The following CCDC158 variants were observed in gnomAD, a reference collection of about 807,000 sequenced individuals.
CCDC158 encodes coiled-coil domain containing 158, also known as coiled-coil domain-containing protein 158.
A neutral mutation model predicts 138.6 loss-of-function variants in CCDC158; 116 were observed. The observed-to-expected ratio is 0.84, with a 90% confidence interval of 0.72 to 0.98. The LOEUF (loss-of-function observed/expected upper bound fraction) is 0.98. Ranked by LOEUF, CCDC158 falls within the 50% of genes least tolerant of loss-of-function variation. The pLI is 0.00. For synonymous variants in CCDC158, 436 were observed against 442.4 expected (o/e 0.99, Z 0.18); for missense variants, 1,265 against 1,306.1 (o/e 0.97, Z 0.48).
intron 4 of CCDC158, among the ~76,000 whole-genome samples, chr4:76,391,686 C>T (rs982228213): frequency 3.3e-5 from 5 of 150,486 alleles, no homozygotes; most frequent in Admixed American, 2.0e-4. Context: ...AAGATCAGAG[C>T]AGAAATAAAA....
chr4:76,376,340 G>A (rs1725719145), intron 9 of CCDC158, among the ~76,000 whole-genome samples: 6 of 152,108 alleles, frequency 3.9e-5, no homozygotes, highest in African/African-American at 1.4e-4. Context: ...CTGGGATTAT[G>A]GGTGTAAGCC....
chr4:76,330,853 A>T (rs1320129639), intron 21 of CCDC158, among the ~76,000 whole-genome samples: 2 of 152,194 alleles, frequency 1.3e-5, no homozygotes, highest in African/African-American at 4.8e-5. Flanking sequence ...TCCCCCATGG[A>T]TACCAAGGGA....
At chr4:76,404,900 G>A (rs897616527) in intron 2 of CCDC158, among the ~76,000 whole-genome samples, 1 of 151,886 alleles carries the variant, frequency 6.6e-6, no homozygotes, top group African/African-American at 2.4e-5. Flanking sequence ...AGGAGTGAGA[G>A]AGGACTGAAA....
chr4:76,405,024 AC>A (rs988951013), intron 2 of CCDC158, among the ~76,000 whole-genome samples: 5 of 151,802 alleles, frequency 3.3e-5, no homozygotes, highest in African/African-American at 9.7e-5. Flanking sequence ...AGAAATAAAG[AC>A]CCGAATCTAC....
intron 18 of CCDC158, among the ~76,000 whole-genome samples, chr4:76,339,058 TG>T (rs1721807101): frequency 6.6e-6 from 1 of 152,302 alleles, no homozygotes; most frequent in South Asian, 2.1e-4. Context: ...TTTTATAATA[TG>T]TGGTGACCGG....
intron 1 of CCDC158, among the ~76,000 whole-genome samples, chr4:76,414,850 A>G (rs1729568002): frequency 6.6e-6 from 1 of 152,130 alleles, no homozygotes. Flanking sequence ...TCTTCTCAGT[A>G]TGTCTTTAAC....
At chr4:76,324,713 AAT>A (rs2110083349) in intron 23 of CCDC158, among the ~76,000 whole-genome samples, 1 of 152,320 alleles carries the variant, frequency 6.6e-6, no homozygotes, top group South Asian at 2.1e-4. Context: ...ACTTCTGATT[AAT>A]CCCAGTTCCA....
chr4:76,319,432 C>CAAAAAAAAAAAAAAA (rs71659321), intron 24 of CCDC158, among the ~76,000 whole-genome samples: 1 of 23,942 alleles, frequency 4.2e-5, no homozygotes, highest in African/African-American at 2.0e-4. Context: ...GACTCCGTAT[C>CAAAAAAAAAAAAAAA]AAAAAAAAAA....
At chr4:76,384,725 G>A (rs559629267) in intron 4 of CCDC158, 60 bp from the exon 5 acceptor site, 42 of 1,121,720 alleles carry the variant, frequency 3.7e-5, no homozygotes, top group Non-Finnish European at 5.2e-5. Flanking sequence ...CTTATAGCTA[G>A]TAACTTCCAA....
At chr4:76,393,961 T>C (rs1434096111) in intron 4 of CCDC158, among the ~76,000 whole-genome samples, 1 of 152,076 alleles carries the variant, frequency 6.6e-6, no homozygotes, top group Admixed American at 6.6e-5. Flanking sequence ...ATGGTTTTTA[T>C]CCAAAAGTTA....
At position 76,384,615 on chromosome 4, in the gene CCDC158, A is replaced by G. The variant is rs760355995; in HGVS notation, c.339T>C (p.Ile113=). The change falls in exon 5 of 25, where the codon ATT becomes ATC. Residue 113 remains isoleucine (I), a synonymous_variant. Coordinates refer to ENST00000682701, the MANE Select transcript of CCDC158 (RefSeq NM_001394954.1). ...TCTCCTGAAGTTTTGTTTGCAAATC[A>G]ATGACTGACTGCCTCAAATAAAACT... ...KQKFYLRQSV[I]DLQTKLQEMQ... is the part of the protein sequence containing the mutation. The G allele has an allele frequency of 1.2e-5, 19 of 1,613,732 alleles. No homozygotes were observed. In the South Asian group the frequency reaches 2.0e-4, roughly 17 times the overall value.
chr4:76,364,735 C>T (rs1360375413), intron 12 of CCDC158, among the ~76,000 whole-genome samples: 5 of 152,152 alleles, frequency 3.3e-5, no homozygotes, highest in African/African-American at 9.7e-5. Context: ...GATTGTTTCC[C>T]CAAATTATCG....
Position 76,331,755 on chromosome 4 carries a change from G to C in CCDC158, c.2883-352C>G, listed in dbSNP as rs560250344. Among the ~76,000 whole-genome samples, 8 of 152,272 alleles carry C rather than the reference G, an allele frequency of 5.3e-5. No homozygotes were observed. The East Asian group carries it at 1.4e-3, about 26-fold the overall frequency. ...GAGTGAAAGCAGAGTGGTCACAAGA[G>C]AGATTCGTGTGACCACTCTGGGAGA... On this transcript the variant is annotated intron_variant, in intron 20 of 24. Transcript: ENST00000682701.
At chr4:76,333,357 TA>T (rs2110107244) in intron 19 of CCDC158, among the ~76,000 whole-genome samples, 1 of 152,280 alleles carries the variant, frequency 6.6e-6, no homozygotes, top group African/African-American at 2.4e-5. Flanking sequence ...TATACCATAT[TA>T]AAATGCTTTA....
rs545513680 is a variant in CCDC158 at position 76,342,920 on chromosome 4, T to C, written c.2664+8076A>G. On this transcript the variant is annotated intron_variant, in intron 18 of 24. Transcript: ENST00000682701. The stretch of plus-strand genomic sequence containing the variant: ...CAGGGTAAGAAACAGGGCAGCAAAA[T>C]TGGAGGATTGGCTAAGTCTATAGGA... Among the ~76,000 whole-genome samples the C allele has an allele frequency of 2.6e-5, 4 of 152,172 alleles. No homozygotes were observed. The East Asian group carries it at 5.8e-4, about 22-fold the overall frequency.
intron 4 of CCDC158, among the ~76,000 whole-genome samples, chr4:76,387,484 C>T (rs1234519253): frequency 5.9e-5 from 9 of 151,804 alleles, no homozygotes; most frequent in South Asian, 4.2e-4. Context: ...CTCAGGAGTT[C>T]GAGACCAGCC....
At chr4:76,330,867 C>T (rs923653131) in intron 21 of CCDC158, among the ~76,000 whole-genome samples, 1 of 152,156 alleles carries the variant, frequency 6.6e-6, no homozygotes, top group Non-Finnish European at 1.5e-5. Context: ...CAAGGGACAA[C>T]TGTGTTTAGA....
At chr4:76,316,831 C>T (rs1424975639) in intron 24 of CCDC158, among the ~76,000 whole-genome samples, 9 of 146,416 alleles carry the variant, frequency 6.1e-5, no homozygotes, top group Admixed American at 3.5e-4. Context: ...AAAATAATTG[C>T]CAGCCAATAA....
At chr4:76,320,581 T>C (rs1719903770) in intron 24 of CCDC158, among the ~76,000 whole-genome samples, 1 of 152,110 alleles carries the variant, frequency 6.6e-6, no homozygotes, top group African/African-American at 2.4e-5. Context: ...ATGGTACTGG[T>C]ATAAAAATAG....
Sources: allele counts gnomAD v4.1 joint callset (sites outside exome capture counted in the v4.1 genomes callset), GRCh38; gene constraint gnomAD v4.1.1; transcripts MANE v1.5; gene names NCBI Gene and HGNC (gene_info 2026-07-23, HGNC 2026-07-21).